The following CDK19 variants were observed in gnomAD, a reference collection of about 807,000 sequenced individuals.
CDK19 encodes the protein cyclin dependent kinase 19.
CDK19 carries 20 observed loss-of-function variants against 68.3 expected under a neutral mutation model. The observed-to-expected ratio is 0.29, with a 90% confidence interval of 0.21 to 0.43. The LOEUF (loss-of-function observed/expected upper bound fraction) is 0.43. CDK19 is among the 20% of genes least tolerant of loss of function. The pLI, the probability that CDK19 is intolerant of heterozygous loss-of-function variation, is 1.00. For missense variants in CDK19, 339 were observed against 623.5 expected (o/e 0.54, Z 4.86); for synonymous variants, 221 against 222.8 (o/e 0.99, Z 0.07).
chr6:110,809,676 GA>G (rs1356108426), intron 1 of CDK19, among the ~76,000 whole-genome samples: 4 of 149,798 alleles, frequency 2.7e-5, no homozygotes, highest in African/African-American at 1.0e-4. Context: ...CGTTTTTTAA[GA>G]AAAGTAAATA....
At chr6:110,682,525 G>A (rs1772106520) in intron 2 of CDK19, among the ~76,000 whole-genome samples, 1 of 152,102 alleles carries the variant, frequency 6.6e-6, no homozygotes, top group African/African-American at 2.4e-5. Context: ...CCTTCCAGCA[G>A]GTGGCACTCA....
chr6:110,659,926 C>G (rs1161839228), intron 4 of CDK19, among the ~76,000 whole-genome samples: 1 of 152,102 alleles, frequency 6.6e-6, no homozygotes, highest in Non-Finnish European at 1.5e-5. Context: ...AAGGTGGGGA[C>G]TTTTTGCATT....
intron 2 of CDK19, among the ~76,000 whole-genome samples, chr6:110,730,744 A>G (rs906678387): frequency 1.3e-5 from 2 of 152,176 alleles, no homozygotes; most frequent in Non-Finnish European, 2.9e-5. Flanking sequence ...GCATTACCTA[A>G]GAGCTTATTA....
intron 2 of CDK19, among the ~76,000 whole-genome samples, chr6:110,722,654 T>C (rs1775990230): frequency 6.6e-6 from 1 of 151,996 alleles, no homozygotes; most frequent in Admixed American, 6.6e-5. Flanking sequence ...CTCCTCAAAG[T>C]CCTGGAATAA....
Position 110,746,188 on chromosome 6 carries a change from C to T in CDK19, c.142G>A (p.Glu48Lys), listed in dbSNP as rs762489169. ...ARRKDGKDEK[E>K]YALKQIEGTG... ...CCTTCAATTTGCTTCAATGCATATT[C>T]CTTTTCATCTTTTCTGCACATAAAC... Residue 48 changes from glutamate to lysine, a missense_variant, in exon 2 of 13, where the codon GAA becomes AAA. Glu to Lys is a moderately conservative substitution (Grantham distance 56, BLOSUM62 1). Transcript: ENST00000368911. 6.3e-7 allele frequency: 1 copy of T among 1,598,552 alleles called. No homozygotes were observed. The highest frequency in any genetic ancestry group is 1.1e-5 in the South Asian group (1 of 88,976).
intron 4 of CDK19, among the ~76,000 whole-genome samples, chr6:110,643,755 T>C (rs1369516079): frequency 6.6e-6 from 1 of 152,056 alleles, no homozygotes; most frequent in African/African-American, 2.4e-5. Flanking sequence ...AAAACTATCT[T>C]GGGAATAAAA....
intron 1 of CDK19, among the ~76,000 whole-genome samples, chr6:110,756,738 A>G (rs1211259830): frequency 1.3e-5 from 2 of 152,204 alleles, no homozygotes; most frequent in African/African-American, 2.4e-5. Flanking sequence ...CCAAAAGAAC[A>G]GCTGAAGGTA....
At chr6:110,767,158 A>G (rs75358287) in intron 1 of CDK19, among the ~76,000 whole-genome samples, 2,917 of 104,614 alleles carry the variant, frequency 0.028, 98 homozygotes, top group African/African-American at 0.091. Flanking sequence ...AATAAATAGG[A>G]AAAAAAAAAA....
chr6:110,674,103 AC>A (rs1214222305), intron 2 of CDK19, among the ~76,000 whole-genome samples: 2 of 152,234 alleles, frequency 1.3e-5, no homozygotes, highest in African/African-American at 4.8e-5. Flanking sequence ...TATATCTGTT[AC>A]AGTGATCAGT....
At chr6:110,663,156 C>T (rs1400395934) in intron 4 of CDK19, among the ~76,000 whole-genome samples, 1 of 152,024 alleles carries the variant, frequency 6.6e-6, no homozygotes, top group African/African-American at 2.4e-5. Context: ...TTTCTCACAT[C>T]AAATGAAATT....
intron 1 of CDK19, among the ~76,000 whole-genome samples, chr6:110,805,290 T>C (rs1418782844): frequency 1.3e-5 from 2 of 152,160 alleles, no homozygotes; most frequent in African/African-American, 4.8e-5. Context: ...CCCTTTGTTT[T>C]AGAATCCCAA....
chr6:110,808,560 C>G (rs1392685442), intron 1 of CDK19, among the ~76,000 whole-genome samples: 1 of 152,190 alleles, frequency 6.6e-6, no homozygotes, highest in East Asian at 1.9e-4. Context: ...GTTTGCTGAT[C>G]ACTGCTCTAG....
chr6:110,679,119 G>C (rs1472444011), intron 2 of CDK19, among the ~76,000 whole-genome samples: 4 of 151,986 alleles, frequency 2.6e-5, no homozygotes, highest in Non-Finnish European at 4.4e-5. Context: ...GACTAGTCTG[G>C]TCACACAGCA....
chr6:110,810,229 A>C (rs1782981201), intron 1 of CDK19, among the ~76,000 whole-genome samples: 1 of 152,216 alleles, frequency 6.6e-6, no homozygotes, highest in Non-Finnish European at 1.5e-5. Flanking sequence ...TAAGGAATTA[A>C]AATTGGATCT....
chr6:110,814,671 G>A (rs770237726), intron 1 of CDK19: 2 of 522,936 alleles, frequency 3.8e-6, no homozygotes, highest in South Asian at 3.1e-5. Flanking sequence ...CCTGCCCGCT[G>A]CGTTCCCCCA....
intron 1 of CDK19, among the ~76,000 whole-genome samples, chr6:110,756,404 C>T (rs1367087680): frequency 2.0e-5 from 3 of 146,566 alleles, no homozygotes; most frequent in South Asian, 2.2e-4. Context: ...AAAAAAAAAA[C>T]GTACAAAAAT....
chr6:110,722,591 C>T (rs1775984846), intron 2 of CDK19, among the ~76,000 whole-genome samples: 2 of 149,800 alleles, frequency 1.3e-5, no homozygotes, highest in Non-Finnish European at 3.0e-5. Context: ...TAGGAAAATA[C>T]ATTTAAAAAA....
chr6:110,760,221 C>T (rs1007694738), intron 1 of CDK19, among the ~76,000 whole-genome samples: 7 of 151,768 alleles, frequency 4.6e-5, no homozygotes, highest in Admixed American at 6.6e-5. Context: ...CATAGTGAAA[C>T]TCCATCTCTA....
At chr6:110,743,132 G>A (rs977031430) in intron 2 of CDK19, among the ~76,000 whole-genome samples, 4 of 152,144 alleles carry the variant, frequency 2.6e-5, no homozygotes, top group African/African-American at 7.2e-5. Flanking sequence ...AATATTAGGA[G>A]CTGGTTCCCC....
Sources: allele counts gnomAD v4.1 joint callset (sites outside exome capture counted in the v4.1 genomes callset), GRCh38; gene constraint gnomAD v4.1.1; transcripts MANE v1.5; gene names NCBI Gene and HGNC (gene_info 2026-07-23, HGNC 2026-07-21).